HFM1: variants seen among roughly 807,000 people sequenced by gnomAD.
The protein encoded by HFM1 is probable ATP-dependent DNA helicase HFM1.
Under a neutral mutation model 192.1 loss-of-function variants are expected in HFM1, and 169 were observed. That is an observed-to-expected ratio of 0.88 (90% CI 0.78 to 1.00). The LOEUF (loss-of-function observed/expected upper bound fraction) is 1.00, where lower values mean the gene tolerates loss of function less well. Among genes scored for constraint, HFM1 ranks in the 50% least tolerant of loss-of-function variants. HFM1 has a pLI of 0.00. For synonymous variants in HFM1, 525 were observed against 537.8 expected, an observed-to-expected ratio of 0.98 and a Z score of 0.33; for missense variants, 1,661 against 1,668.0, an observed-to-expected ratio of 1.00 and a Z score of 0.07.
intron 16 of HFM1, 25 bp downstream of exon 16, chr1:91,352,481 A>T (rs2101738656): frequency 6.6e-7 from 1 of 1,524,186 alleles, no homozygotes; most frequent in South Asian, 1.4e-5. Flanking sequence ...TTTTAAGTAT[A>T]AAAAGCAAAG....
chr1:91,379,114 T>C lies in HFM1; in HGVS notation c.1107A>G (p.Val369=), dbSNP rs1418781747. The C allele has an allele frequency of 6.2e-7, 1 of 1,605,074 alleles. No homozygotes were observed. The highest frequency in any genetic ancestry group is 8.5e-7 in the Non-Finnish European group (1 of 1,174,410). ...GCTGAATCTCAAATAGATCATCCAT[T>C]ACTGTATCTCCAGTAAGTTCTTTAC... ...LNCKELTGDT[V]MDDLFEIQHA... is the part of the protein sequence containing the mutation. The change falls in exon 9 of 39, where the codon GTA becomes GTG. Residue 369 remains valine, a synonymous_variant. Coordinates refer to ENST00000370425, the MANE Select transcript of HFM1 (RefSeq NM_001017975.6).
chr1:91,343,023 C>T (rs926439968), intron 20 of HFM1, among the ~76,000 whole-genome samples: 2 of 151,566 alleles, frequency 1.3e-5, no homozygotes, highest in Non-Finnish European at 2.9e-5. Flanking sequence ...GTCAGGAGAT[C>T]GAGACCATCC....
chr1:91,318,838 T>A (rs562255979), intron 25 of HFM1, among the ~76,000 whole-genome samples: 1 of 152,340 alleles, frequency 6.6e-6, no homozygotes, highest in African/African-American at 2.4e-5. Flanking sequence ...AATTTTCAAA[T>A]GACAGCATTA....
At chr1:91,323,042 T>C in intron 22 of HFM1, 45 bp from the exon 23 acceptor site, 1 of 1,318,048 alleles carries the variant, frequency 7.6e-7, no homozygotes. Context: ...TTATTTATTT[T>C]AATTAAATAA....
intron 20 of HFM1, among the ~76,000 whole-genome samples, chr1:91,333,622 T>C (rs905986433): frequency 2.0e-5 from 3 of 152,130 alleles, no homozygotes; most frequent in Admixed American, 6.5e-5. Flanking sequence ...AACAGTATAA[T>C]TGGACTGTCT....
At chr1:91,395,029 A>G (rs1663481658) in intron 3 of HFM1, among the ~76,000 whole-genome samples, 1 of 151,936 alleles carries the variant, frequency 6.6e-6, no homozygotes, top group African/African-American at 2.4e-5. Flanking sequence ...ATAAGTATAT[A>G]TATAACATAT....
rs72726293 is a variant in HFM1, at chr1:91,320,228, C to T, written c.2583-838G>A. Among the ~76,000 whole-genome samples, 1,017 of 152,200 alleles carry T rather than the reference C, an allele frequency of 6.7e-3. 3 individuals are homozygous for T. Among genetic ancestry groups the T allele is most frequent in the Non-Finnish European group, 0.012 (782 of 67,998 alleles). On this transcript the variant is annotated intron_variant, in intron 23 of 38. Coordinates refer to ENST00000370425, the MANE Select transcript of HFM1 (RefSeq NM_001017975.6). The stretch of plus-strand genomic sequence containing the variant: ...AAACAGTCAGCTATACAAAGAAAAA[C>T]GGCAGAATAGTTATATTTCATGATT...
Position 91,368,564 on chromosome 1 carries a change from C to A in HFM1, c.1685+6794G>T, listed in dbSNP as rs187192053. Among the ~76,000 whole-genome samples the A allele has an allele frequency of 3.9e-3, 588 of 152,182 alleles. 1 individual carries two copies. The highest frequency in any genetic ancestry group is 0.013 in the African/African-American group (559 of 41,520). ...GCAAATGCTGAGAGATTTTTGTCAC[C>A]ACCAGCCCTGCCCTAAAAGAGCTCC... is the stretch of plus-strand genomic sequence containing the variant. On this transcript the variant is annotated intron_variant, in intron 13 of 38. Coordinates refer to ENST00000370425, the MANE Select transcript of HFM1 (RefSeq NM_001017975.6).
chr1:91,355,751 C>T lies in HFM1; in HGVS notation c.1686-2452G>A, dbSNP rs147888891. Among the ~76,000 whole-genome samples, 204 of 152,052 alleles carry T rather than the reference C, an allele frequency of 1.3e-3. 1 individual carries two copies. The highest frequency in any genetic ancestry group is 4.7e-3 in the African/African-American group (195 of 41,488). On this transcript the variant is annotated intron_variant, in intron 13 of 38. Transcript: ENST00000370425. ...TAAAGGACATGAAGAGAGAAATAGACAACAATACAATAATAGGAGGGGTCT... is the reference window on the plus strand; with the variant it reads ...TAAAGGACATGAAGAGAGAAATAGATAACAATACAATAATAGGAGGGGTCT...
In HFM1 at chr1:91,315,915, A is replaced by C; in HGVS notation, c.3040T>G (p.Phe1014Val). The C allele has an allele frequency of 6.2e-7, 1 of 1,602,824 alleles. No individual in the cohort carries two copies. Among genetic ancestry groups the C allele is most frequent in the Non-Finnish European group, 8.5e-7 (1 of 1,170,184 alleles). The change falls in exon 28 of 39, where the codon TTT becomes GTT. Residue 1014 changes from phenylalanine (F) to valine (V), a missense_variant. By Grantham distance (50) the Phe-to-Val change is conservative. Transcript: ENST00000370425. ...GTTCTTTTAGTTTGTAGCTGTTCAAAATTTCTTAATATAACAGTCACTAAT... is the reference window on the plus strand; with the variant it reads ...GTTCTTTTAGTTTGTAGCTGTTCAACATTTCTTAATATAACAGTCACTAAT... Reference protein sequence around the residue: ...EILVTVILRNFEQLQTKRTAS... With the variant: ...EILVTVILRNVEQLQTKRTAS...
chr1:91,355,077 A>G lies in HFM1; in HGVS notation c.1686-1778T>C, dbSNP rs559301990. Among the ~76,000 whole-genome samples, 7 of 152,260 alleles carry G rather than the reference A, an allele frequency of 4.6e-5. No individual in the cohort carries two copies. In the East Asian group the frequency reaches 1.4e-3, roughly 29 times the overall value. On this transcript the variant is annotated intron_variant, in intron 13 of 38. Coordinates refer to ENST00000370425, the MANE Select transcript of HFM1 (RefSeq NM_001017975.6). Reference sequence around the variant, plus strand: ...ATATAAAAAGATGTAAACTGTGTCAACAAACATAAATTGTGGGGGGAGGGC... The same window carrying G: ...ATATAAAAAGATGTAAACTGTGTCAGCAAACATAAATTGTGGGGGGAGGGC...
At chr1:91,262,674 A>G in intron 36 of HFM1, 82 bp from the exon 37 acceptor site, 6 of 822,754 alleles carry the variant, frequency 7.3e-6, no homozygotes, top group African/African-American at 1.7e-5. Context: ...TTTTTGGGGA[A>G]TATGATCAAA....
intron 30 of HFM1, among the ~76,000 whole-genome samples, chr1:91,307,295 T>C (rs905509567): frequency 1.3e-5 from 2 of 152,184 alleles, no homozygotes; most frequent in African/African-American, 2.4e-5. Context: ...TTTCCACATA[T>C]ATTTTAAACT....
chr1:91,373,385 T>A (rs1660496318), intron 13 of HFM1, among the ~76,000 whole-genome samples: 1 of 152,128 alleles, frequency 6.6e-6, no homozygotes, highest in Non-Finnish European at 1.5e-5. Context: ...CTAAACATAT[T>A]TACTGATTTC....
At chr1:91,377,860 A>G (rs1661083020) in intron 11 of HFM1, 165 bp downstream of exon 11, 1 of 624,220 alleles carries the variant, frequency 1.6e-6, no homozygotes, top group Admixed American at 3.4e-5. Flanking sequence ...ACCAAATTTT[A>G]TGGCCTTAAT....
chr1:91,294,534 G>A (rs1019646758), intron 30 of HFM1, among the ~76,000 whole-genome samples: 2 of 152,134 alleles, frequency 1.3e-5, no homozygotes, highest in African/African-American at 4.8e-5. Flanking sequence ...TGTAAATAAA[G>A]TTTTATTGGA....
intron 30 of HFM1, among the ~76,000 whole-genome samples, chr1:91,287,167 T>A (rs982429498): frequency 6.6e-5 from 10 of 152,328 alleles, no homozygotes; most frequent in South Asian, 4.1e-4. Context: ...CCACAGCTCA[T>A]GGAGGCCTGC....
intron 20 of HFM1, among the ~76,000 whole-genome samples, chr1:91,339,986 C>G (rs184428699): frequency 2.0e-5 from 3 of 152,088 alleles, no homozygotes; most frequent in Non-Finnish European, 4.4e-5. Flanking sequence ...AAATCCTACA[C>G]GCCAGAAGAG....
intron 20 of HFM1, among the ~76,000 whole-genome samples, chr1:91,332,460 G>T (rs548935640): frequency 6.6e-6 from 1 of 152,120 alleles, no homozygotes; most frequent in African/African-American, 2.4e-5. Flanking sequence ...AAATCAAAAT[G>T]GATTAAAGAC....
Sources: gnomAD v4.1 joint callset for allele counts (sites outside exome capture counted in the v4.1 genomes callset) on GRCh38, gnomAD v4.1.1 for gene constraint, MANE v1.5 for transcripts, NCBI Gene and HGNC (gene_info 2026-07-23, HGNC 2026-07-21) for gene names.